The following RGS22 variants were observed in gnomAD, a reference collection of about 807,000 sequenced individuals.
The protein encoded by RGS22 is regulator of G protein signaling 22.
Under a neutral mutation model 172.9 loss-of-function variants are expected in RGS22, and 148 were observed. The observed-to-expected ratio is 0.86, with a 90% CI of 0.75 to 0.98. The LOEUF (loss-of-function observed/expected upper bound fraction) is 0.98, where lower values mean the gene tolerates loss of function less well. Ranked by LOEUF, RGS22 falls within the 50% of genes least tolerant of loss-of-function variation. The probability of loss-of-function intolerance (pLI) is 0.00; values close to 1 mark genes in which losing one functional copy is unlikely to be tolerated. For missense variants in RGS22, 1,347 were observed against 1,440.8 expected, an observed-to-expected ratio of 0.93 and a Z score of 1.05; for synonymous variants, 458 against 480.2, an observed-to-expected ratio of 0.95 and a Z score of 0.60.
intron 13 of RGS22, 62 bp from the exon 14 acceptor site, chr8:100,039,094 T>G: frequency 2.3e-6 from 2 of 853,774 alleles, no homozygotes; most frequent in Non-Finnish European, 3.6e-6. Context: ...TACAAAGCTC[T>G]AATTTCAAAT....
In RGS22 at chr8:100,008,383, A is replaced by C; in HGVS notation, c.2353T>G (p.Tyr785Asp). ...TATCGGTGGCACGGTACCTTTTTATAAGCAATTTGGTCCGATTTTACCATC... is the reference window on the plus strand; with the variant it reads ...TATCGGTGGCACGGTACCTTTTTATCAGCAATTTGGTCCGATTTTACCATC... ...TKMVKSDQIA[Y>D]KKVELVEETR... is the part of the protein sequence containing the mutation. The change falls in exon 15 of 28, where the codon TAT becomes GAT. Residue 785 changes from tyrosine (Y) to aspartate (D), a missense_variant. By Grantham distance (160) the Tyr-to-Asp change is radical. Coordinates refer to ENST00000360863, the MANE Select transcript of RGS22 (RefSeq NM_015668.5). 1 of 1,608,780 alleles carries C rather than the reference A, an allele frequency of 6.2e-7. No individual in the cohort carries two copies. Among genetic ancestry groups the C allele is most frequent in the Non-Finnish European group, 8.5e-7 (1 of 1,178,814 alleles).
chr8:100,059,680 T>C (rs1809950425), intron 9 of RGS22, among the ~76,000 whole-genome samples: 1 of 152,168 alleles, frequency 6.6e-6, no homozygotes, highest in Admixed American at 6.5e-5. Context: ...TAGGTCCCAA[T>C]GCAACAATAG....
chr8:100,103,346 G>A (rs1813652568), intron 2 of RGS22, among the ~76,000 whole-genome samples: 1 of 152,182 alleles, frequency 6.6e-6, no homozygotes, highest in South Asian at 2.1e-4. Context: ...GTAGTTGTGT[G>A]GATGGAGAAA....
chr8:99,966,291 G>T (rs1371754872), intron 23 of RGS22, among the ~76,000 whole-genome samples: 1 of 152,060 alleles, frequency 6.6e-6, no homozygotes, highest in Non-Finnish European at 1.5e-5. Context: ...AGGGTGGGAG[G>T]CAAGTGAACG....
intron 9 of RGS22, among the ~76,000 whole-genome samples, chr8:100,056,841 G>A (rs1809665250): frequency 6.6e-6 from 1 of 152,196 alleles, no homozygotes; most frequent in African/African-American, 2.4e-5. Context: ...TGGTGTTGGA[G>A]CCCCCACAGA....
intron 11 of RGS22, chr8:100,046,504 A>T (rs1820734274): frequency 6.6e-6 from 1 of 151,322 alleles, no homozygotes; most frequent in African/African-American, 2.4e-5. Flanking sequence ...GCAATTTAAA[A>T]AAAAAAGAAT....
chr8:99,991,770 C>G (rs1200294623), intron 20 of RGS22, among the ~76,000 whole-genome samples: 1 of 152,090 alleles, frequency 6.6e-6, no homozygotes, highest in Non-Finnish European at 1.5e-5. Context: ...ACAGAATACA[C>G]CAGAAAGATA....
At chr8:100,053,433 G>C (rs1313585948) in intron 9 of RGS22, among the ~76,000 whole-genome samples, 1 of 90,708 alleles carries the variant, frequency 1.1e-5, no homozygotes, top group African/African-American at 4.1e-5. Flanking sequence ...AAAAAGGGAG[G>C]AAGGAAGGAA....
intron 14 of RGS22, among the ~76,000 whole-genome samples, chr8:100,012,207 C>T (rs994469417): frequency 7.9e-5 from 12 of 151,824 alleles, no homozygotes; most frequent in African/African-American, 2.7e-4. Flanking sequence ...GGAAAGCAAA[C>T]GAGGTCAAAA....
At chr8:99,996,944 A>G (rs1210111040) in intron 19 of RGS22, among the ~76,000 whole-genome samples, 1 of 152,224 alleles carries the variant, frequency 6.6e-6, no homozygotes, top group Non-Finnish European at 1.5e-5. Flanking sequence ...TTGCCTATTC[A>G]TATCATTTCC....
intron 16 of RGS22, 93 bp downstream of exon 16, chr8:100,005,924 T>A (rs1815644143): frequency 2.5e-6 from 2 of 805,508 alleles, no homozygotes; most frequent in Non-Finnish European, 4.1e-6. Flanking sequence ...CTATATGATC[T>A]CGTCACTCTA....
At chr8:100,059,251 A>G (rs1032041825) in intron 9 of RGS22, among the ~76,000 whole-genome samples, 3 of 152,136 alleles carry the variant, frequency 2.0e-5, no homozygotes, top group Non-Finnish European at 1.5e-5. Flanking sequence ...ACCACAAAAC[A>G]ACCAGAAAAC....
intron 4 of RGS22, among the ~76,000 whole-genome samples, chr8:100,077,810 G>A (rs1488664457): frequency 6.6e-6 from 1 of 152,170 alleles, no homozygotes; most frequent in Middle Eastern, 3.2e-3. Context: ...TACTGAGAGA[G>A]CAGTGCTTTA....
rs1205915616 is a variant in RGS22 at position 99,977,899 on chromosome 8, A to G, written c.3519+18T>C. On this transcript the variant is annotated intron_variant, in intron 23 of 27. Transcript: ENST00000360863. ...ACTTTTAAAAGTCTGATAAAACCCA[A>G]AATGAGTCTTGTCTCACCTTTCCAG... 2 of 1,545,890 alleles carry G rather than the reference A, an allele frequency of 1.3e-6. No homozygotes were observed. The highest frequency in any genetic ancestry group is 1.7e-6 in the Non-Finnish European group (2 of 1,157,310).
intron 2 of RGS22, among the ~76,000 whole-genome samples, chr8:100,102,539 A>G (rs1328007291): frequency 6.6e-6 from 1 of 152,234 alleles, no homozygotes; most frequent in Admixed American, 6.5e-5. Flanking sequence ...TTGGTTGAGC[A>G]TATGAATTTG....
chr8:100,099,104 C>T (rs1813262676), intron 2 of RGS22, among the ~76,000 whole-genome samples: 2 of 151,594 alleles, frequency 1.3e-5, no homozygotes, highest in South Asian at 2.1e-4. Flanking sequence ...TTAGTAGAGA[C>T]GGGGTTTCAC....
chr8:99,974,640 A>T (rs187279189), intron 23 of RGS22, among the ~76,000 whole-genome samples: 27 of 151,582 alleles, frequency 1.8e-4, no homozygotes, highest in African/African-American at 6.3e-4. Flanking sequence ...TCTACTAAAA[A>T]TACAAAAATT....
intron 6 of RGS22, among the ~76,000 whole-genome samples, chr8:100,070,027 C>CA (rs777398611): frequency 0.14 from 5,419 of 39,744 alleles, 1,023 homozygotes; most frequent in African/African-American, 0.35. Flanking sequence ...GACTCTGTCT[C>CA]AAAAAAAAAA....
rs186531541 is a variant in RGS22 at position 99,998,612 on chromosome 8, C to T, written c.2949+650G>A. On this transcript the variant is annotated intron_variant, in intron 19 of 27. Coordinates refer to ENST00000360863, the MANE Select transcript of RGS22 (RefSeq NM_015668.5). Reference sequence around the variant, plus strand: ...TCTCAAATAAACAAAAAACCAAAAACTTGGGAATTTTGACTCCATGCTTTT... The same window carrying T: ...TCTCAAATAAACAAAAAACCAAAAATTTGGGAATTTTGACTCCATGCTTTT... Among the ~76,000 whole-genome samples the T allele has an allele frequency of 1.7e-3, 263 of 152,154 alleles. 1 individual carries two copies. The highest frequency in any genetic ancestry group is 6.8e-3 in the Middle Eastern group (2 of 294).
Sources: gnomAD v4.1 joint callset for allele counts (sites outside exome capture counted in the v4.1 genomes callset) on GRCh38, gnomAD v4.1.1 for gene constraint, MANE v1.5 for transcripts, NCBI Gene and HGNC (gene_info 2026-07-23, HGNC 2026-07-21) for gene names.